Variants in PM20D2 observed in about 807,000 individuals in gnomAD.
PM20D2 encodes the protein peptidase M20 domain containing 2.
A neutral mutation model predicts 42.9 loss-of-function variants in PM20D2; 33 were observed. The ratio of observed to expected loss-of-function variants is 0.77; its 90% CI spans 0.58 to 1.03. The LOEUF is 1.03. PM20D2 is among the 50% of genes least tolerant of loss of function. PM20D2 has a pLI of 0.00. For synonymous variants in PM20D2, 250 were observed against 228.2 expected (o/e 1.10, Z -0.86); for missense variants, 548 against 557.0 (o/e 0.98, Z 0.16).
At chr6:89,115,368 C>T in the PM20D2 span, among the ~76,000 whole-genome samples, 1 of 151,804 alleles carries the variant, frequency 6.6e-6, no homozygotes, top group African/African-American at 2.4e-5. Flanking sequence ...TGCCAACCTC[C>T]ACCTCTGGGG....
the PM20D2 span, among the ~76,000 whole-genome samples, chr6:89,132,753 C>A: frequency 6.6e-6 from 1 of 150,806 alleles, no homozygotes; most frequent in East Asian, 1.9e-4. Flanking sequence ...GAGGAGAATA[C>A]CTTGAACCCA....
At chr6:89,098,514 A>G in the PM20D2 span, 1 of 1,499,312 alleles carries the variant, frequency 6.7e-7, no homozygotes, top group Non-Finnish European at 8.9e-7. Context: ...AAGAATTTTT[A>G]TTTAACATAA....
the PM20D2 span, among the ~76,000 whole-genome samples, chr6:89,116,553 T>A: frequency 1.3e-5 from 2 of 152,138 alleles, no homozygotes; most frequent in African/African-American, 4.8e-5. Flanking sequence ...GCTGGGCGGA[T>A]CACTTGAGGT....
chr6:89,115,926 C>T, the PM20D2 span, among the ~76,000 whole-genome samples: 2 of 152,116 alleles, frequency 1.3e-5, no homozygotes, highest in African/African-American at 4.8e-5. Context: ...TGAGCCACCG[C>T]ACCCGGCCAC....
chr6:89,164,210 A>G lies in PM20D2; in HGVS notation c.*1947A>G, dbSNP rs542523125. On this transcript the variant is annotated 3_prime_UTR_variant, in exon 7 of 7. Transcript: ENST00000275072. ...ATTTTATGTTTATGAATACTTGTAT[A>G]AACTTAAAAGTGTTTTGATTTCCCA... 1.6e-4 allele frequency: 25 copies of G among 152,234 alleles called. No individual in the cohort carries two copies. Among genetic ancestry groups the G allele is most frequent in the Non-Finnish European group, 2.2e-4 (15 of 68,034 alleles). 9.4% of individuals were successfully genotyped at this position (152,234 alleles called of 1,614,324 possible).
intron 4 of PM20D2, 82 bp downstream of exon 4, chr6:89,154,984 ACT>A (rs1460106289): frequency 2.5e-6 from 3 of 1,214,160 alleles, no homozygotes; most frequent in Non-Finnish European, 2.2e-6. Context: ...ATCTAACTTG[ACT>A]CTCTTATTTG....
At chr6:89,105,000 G>A in the PM20D2 span, 1 of 981,204 alleles carries the variant, frequency 1.0e-6, no homozygotes, top group African/African-American at 1.6e-5. Flanking sequence ...AGTCTACAGT[G>A]GGCCATGATC....
At chr6:89,154,430 T>C (rs1032557924) in intron 3 of PM20D2, among the ~76,000 whole-genome samples, 2 of 152,182 alleles carry the variant, frequency 1.3e-5, no homozygotes, top group Admixed American at 1.3e-4. Context: ...AAGCTTAAGA[T>C]GTTACTAATT....
chr6:89,151,568 A>C (rs994395955), intron 2 of PM20D2, among the ~76,000 whole-genome samples: 1 of 152,040 alleles, frequency 6.6e-6, no homozygotes, highest in African/African-American at 2.4e-5. Context: ...CCTGCTGACC[A>C]CCTTTCCCAA....
the PM20D2 span, chr6:89,106,829 G>A: frequency 5.4e-6 from 2 of 372,738 alleles, no homozygotes; most frequent in Non-Finnish European, 1.0e-5. Context: ...TCAACCTGGT[G>A]TTGGCTTTGT....
At chr6:89,129,852 C>T in the PM20D2 span, among the ~76,000 whole-genome samples, 4 of 152,064 alleles carry the variant, frequency 2.6e-5, no homozygotes, top group African/African-American at 9.7e-5. Flanking sequence ...ATCAGCCTCC[C>T]AAACAGCTGG....
chr6:89,137,833 A>AGTTT, the PM20D2 span, among the ~76,000 whole-genome samples: 3 of 151,750 alleles, frequency 2.0e-5, no homozygotes, highest in South Asian at 4.2e-4. Context: ...TTCCTTTGGT[A>AGTTT]GTTTCTCTAT....
upstream of PM20D2, among the ~76,000 whole-genome samples, chr6:89,145,543 T>C (rs1770498952): frequency 1.3e-5 from 2 of 152,192 alleles, no homozygotes. Flanking sequence ...TTCCAGACAT[T>C]AGTAACCAAT....
chr6:89,125,799 T>G, the PM20D2 span, among the ~76,000 whole-genome samples: 1 of 124,272 alleles, frequency 8.0e-6, no homozygotes, highest in East Asian at 2.4e-4. Flanking sequence ...AAAAAAAAAA[T>G]TCTCAGCCAG....
At position 89,146,166 on chromosome 6, in the gene PM20D2, C is replaced by T; in HGVS notation, c.22C>T (p.Pro8Ser). The change falls in exon 1 of 7, where the codon CCC becomes TCC. Residue 8 changes from proline to serine, a missense_variant. By Grantham distance (74) the Pro-to-Ser change is moderately conservative. Around this residue, in one of 3 missense-constraint regions of PM20D2, gnomAD observed 470 missense variants for 464.4 expected, o/e 1.01. Transcript: ENST00000275072. ...CAGCATGAGGCCCGGAGGGGAGCGG[C>T]CCGTGGAAGGGGGCGCGTGCAATGG... The part of the protein sequence containing the change: MRPGGER[P>S]VEGGACNGRS... 2 of 1,515,880 alleles carry T rather than the reference C, an allele frequency of 1.3e-6. No homozygotes were observed. The highest frequency in any genetic ancestry group is 1.8e-6 in the Non-Finnish European group (2 of 1,139,184). 93.9% of individuals were successfully genotyped at this position (1,515,880 alleles called of 1,614,324 possible). A position where few individuals can be genotyped will look rare whatever the true frequency, so the allele number is the denominator to read the frequency against.
the PM20D2 span, among the ~76,000 whole-genome samples, chr6:89,094,865 G>A: frequency 6.7e-6 from 1 of 149,040 alleles, no homozygotes; most frequent in African/African-American, 2.5e-5. Flanking sequence ...GCTCACAGAT[G>A]TTAGGTAACT....
chr6:89,152,895 G>A (rs1260613070), intron 2 of PM20D2, 148 bp from the exon 3 acceptor site: 11 of 551,826 alleles, frequency 2.0e-5, no homozygotes, highest in Non-Finnish European at 3.4e-5. Context: ...TAAATAAATT[G>A]CAGTGTTATT....
the PM20D2 span, chr6:89,098,725 A>G: frequency 2.5e-6 from 4 of 1,613,946 alleles, no homozygotes; most frequent in Admixed American, 5.0e-5. Flanking sequence ...AATGTCTTCC[A>G]TGTGATCTTG....
intron 1 of PM20D2, among the ~76,000 whole-genome samples, chr6:89,148,726 T>C (rs1342830047): frequency 6.6e-6 from 1 of 152,206 alleles, no homozygotes; most frequent in African/African-American, 2.4e-5. Flanking sequence ...CTAATCCTAA[T>C]TCTGCCTGAA....
Sources: allele counts gnomAD v4.1 joint callset (sites outside exome capture counted in the v4.1 genomes callset), GRCh38; gene constraint gnomAD v4.1.1; regional missense constraint gnomAD v4.1.1; transcripts MANE v1.5; gene names NCBI Gene and HGNC (gene_info 2026-07-23, HGNC 2026-07-21).